The following SYTL2 variants were observed in gnomAD, a reference collection of about 807,000 sequenced individuals.
SYTL2 encodes the protein synaptotagmin like 2, also known as synaptotagmin-like protein 2.
Under a neutral mutation model 198.7 loss-of-function variants are expected in SYTL2, and 165 were observed. That is an observed-to-expected ratio of 0.83 (90% CI 0.73 to 0.94). The LOEUF (loss-of-function observed/expected upper bound fraction) is 0.94. Among genes scored for constraint, SYTL2 ranks in the 40% least tolerant of loss-of-function variants. SYTL2 has a pLI of 0.00. For synonymous variants in SYTL2, 966 were observed against 917.7 expected, an observed-to-expected ratio of 1.05 and a Z score of -0.95; for missense variants, 2,835 against 2,582.8, an observed-to-expected ratio of 1.10 and a Z score of -2.12.
chr11:85,724,225 A>C lies in SYTL2; in HGVS notation c.5133T>G (p.Ser1711Arg). The C allele has an allele frequency of 6.3e-7, 1 of 1,578,538 alleles. No homozygotes were observed. Among genetic ancestry groups the C allele is most frequent in the Non-Finnish European group, 8.6e-7 (1 of 1,168,816 alleles). ...PGFGEASEAISVSRNRQPIPL... is the reference protein window; with the variant it reads ...PGFGEASEAIRVSRNRQPIPL... ...GAATGGGTTGCCTATTTCTGGACAC[A>C]CTAATTGCTTCAGAAGCCTCTCCAA... The change falls in exon 8 of 20, where the codon AGT becomes AGG. Residue 1711 changes from serine (S) to arginine (R), a missense_variant. Around this residue, in one of 3 missense-constraint regions of SYTL2, gnomAD observed 2,645 missense variants for 2,381.7 expected, o/e 1.11. Transcript: ENST00000359152.
At chr11:85,775,532 G>C (rs1353186798) in intron 1 of SYTL2, among the ~76,000 whole-genome samples, 1 of 152,110 alleles carries the variant, frequency 6.6e-6, no homozygotes, top group South Asian at 2.1e-4. Flanking sequence ...ATCCAGGCTA[G>C]AGTACAGTGG....
At chr11:85,849,162 T>C in the SYTL2 span, among the ~76,000 whole-genome samples, 5 of 152,264 alleles carry the variant, frequency 3.3e-5, no homozygotes, top group African/African-American at 4.8e-5. Context: ...GTAAATTTGT[T>C]TGAGTTCATT....
intron 4 of SYTL2, 36 bp from the exon 5 acceptor site, chr11:85,737,692 C>T (rs2153500376): frequency 1.3e-6 from 2 of 1,564,192 alleles, no homozygotes; most frequent in East Asian, 2.2e-5. Flanking sequence ...AATAAAACCT[C>T]ACCTTTTGAG....
chr11:85,783,357 A>G (rs913917895), intron 1 of SYTL2, among the ~76,000 whole-genome samples: 3 of 152,156 alleles, frequency 2.0e-5, no homozygotes, highest in Non-Finnish European at 2.9e-5. Flanking sequence ...CCATGATTCA[A>G]TTACCTCCCA....
At position 85,800,628 on chromosome 11, in the gene SYTL2, C is replaced by T. The variant is rs115810024; in HGVS notation, c.-390+10326G>A. Among the ~76,000 whole-genome samples the T allele has an allele frequency of 2.9e-3, 449 of 152,204 alleles. 3 individuals carry two copies. The highest frequency in any genetic ancestry group is 0.01 in the African/African-American group (435 of 41,502). On this transcript the variant is annotated intron_variant, in intron 1 of 19. Transcript: ENST00000359152. Reference sequence around the variant, plus strand: ...TACTCCCTATGCACTGAATGTCAGCCCAAGACTTGCTTTTAGTTCCTGGCT... The same window carrying T: ...TACTCCCTATGCACTGAATGTCAGCTCAAGACTTGCTTTTAGTTCCTGGCT...
At chr11:85,754,518 A>C (rs1242856652) in intron 2 of SYTL2, among the ~76,000 whole-genome samples, 3 of 152,200 alleles carry the variant, frequency 2.0e-5, no homozygotes, top group African/African-American at 7.2e-5. Context: ...AATTTAATTG[A>C]CAAATAATAA....
chr11:85,849,460 T>C, the SYTL2 span, among the ~76,000 whole-genome samples: 5 of 152,214 alleles, frequency 3.3e-5, no homozygotes, highest in Non-Finnish European at 7.3e-5. Flanking sequence ...CTTGAATTGA[T>C]TTTTGTATAA....
At position 85,727,873 on chromosome 11, in the gene SYTL2, A is replaced by G. The variant is rs762027251; in HGVS notation, c.1485T>C (p.Ala495=). ...AACGTGAAGATGTCTTAGCTTTTAG[A>G]GCCGGGAGAGGAGGGGGCTTACCTT... is the stretch of plus-strand genomic sequence containing the variant. ...RQQGKPPPLP[A]LKAKTSSRSG... is the part of the protein sequence containing the mutation. Residue 495 remains alanine (A), a synonymous_variant, in exon 8 of 20, where the codon GCT becomes GCC. Transcript: ENST00000359152. 5 of 1,613,142 alleles carry G rather than the reference A, an allele frequency of 3.1e-6. No homozygotes were observed. The highest frequency in any genetic ancestry group is 4.2e-6 in the Non-Finnish European group (5 of 1,179,762).
intron 1 of SYTL2, among the ~76,000 whole-genome samples, chr11:85,789,332 G>A (rs1366013434): frequency 5.0e-4 from 15 of 29,820 alleles, no homozygotes; most frequent in African/African-American, 2.3e-3. Flanking sequence ...GTATGTGTGT[G>A]TGTGTGTGTA....
chr11:85,818,680 T>TCTAC, the SYTL2 span, among the ~76,000 whole-genome samples: 1 of 151,044 alleles, frequency 6.6e-6, no homozygotes, highest in Non-Finnish European at 1.5e-5. Flanking sequence ...TATCTATCTA[T>TCTAC]CTATCTATCT....
chr11:85,836,107 G>C, the SYTL2 span, among the ~76,000 whole-genome samples: 1 of 152,136 alleles, frequency 6.6e-6, no homozygotes, highest in Non-Finnish European at 1.5e-5. Context: ...GGTGCTAATA[G>C]CTCCAAACAA....
intron 1 of SYTL2, among the ~76,000 whole-genome samples, chr11:85,810,461 C>A (rs1404176415): frequency 6.6e-6 from 1 of 152,086 alleles, no homozygotes; most frequent in African/African-American, 2.4e-5. Context: ...CGCCGTGGGA[C>A]GAGGTGTGGG....
intron 1 of SYTL2, among the ~76,000 whole-genome samples, chr11:85,775,285 T>G (rs1000314946): frequency 1.3e-5 from 2 of 152,148 alleles, no homozygotes; most frequent in Non-Finnish European, 2.9e-5. Context: ...GGGATTAAGC[T>G]AGGCACAATG....
the SYTL2 span, among the ~76,000 whole-genome samples, chr11:85,834,639 A>G: frequency 7.5e-3 from 1,145 of 152,276 alleles, 21 homozygotes; most frequent in African/African-American, 0.026. Context: ...TTATTATAAA[A>G]TGGGCTTTAT....
At chr11:85,738,362 A>G (rs1421861742) in intron 4 of SYTL2, among the ~76,000 whole-genome samples, 1 of 152,214 alleles carries the variant, frequency 6.6e-6, no homozygotes, top group African/African-American at 2.4e-5. Flanking sequence ...TCATTGTTCC[A>G]GAAAGGCATT....
intron 5 of SYTL2, 107 bp downstream of exon 5, chr11:85,737,467 CA>C: frequency 1.2e-6 from 1 of 834,420 alleles, no homozygotes. Context: ...TATTTGGTAC[CA>C]AAAAACTGTA....
At chr11:85,766,458 C>A (rs552801775) in intron 1 of SYTL2, among the ~76,000 whole-genome samples, 33 of 152,158 alleles carry the variant, frequency 2.2e-4, no homozygotes, top group Non-Finnish European at 3.8e-4. Flanking sequence ...CAACATATCA[C>A]GAAGGACTTT....
At chr11:85,831,708 T>C in the SYTL2 span, among the ~76,000 whole-genome samples, 1 of 152,190 alleles carries the variant, frequency 6.6e-6, no homozygotes, top group Admixed American at 6.5e-5. Context: ...TAAAGATATA[T>C]ACATTAAATG....
intron 1 of SYTL2, among the ~76,000 whole-genome samples, chr11:85,791,317 C>T (rs2153627438): frequency 6.6e-6 from 1 of 152,210 alleles, no homozygotes; most frequent in East Asian, 1.9e-4. Context: ...AGAGCCCTCA[C>T]TCAGCTTTGC....
Sources: gnomAD v4.1 joint callset for allele counts (sites outside exome capture counted in the v4.1 genomes callset) on GRCh38, gnomAD v4.1.1 for gene constraint, gnomAD v4.1.1 regional missense constraint, MANE v1.5 for transcripts, NCBI Gene and HGNC (gene_info 2026-07-23, HGNC 2026-07-21) for gene names.